CETN3: variants seen among roughly 807,000 people sequenced by gnomAD.
The protein encoded by CETN3 is centrin-3.
A neutral mutation model predicts 20.1 loss-of-function variants in CETN3; 17 were observed. The ratio of observed to expected loss-of-function variants is 0.85; its 90% CI spans 0.58 to 1.27. The LOEUF (loss-of-function observed/expected upper bound fraction) is 1.27. Among genes scored for constraint, CETN3 ranks in the 50% most tolerant of loss-of-function variants. CETN3 has a pLI of 0.00. For missense variants in CETN3, 169 were observed against 191.2 expected, an observed-to-expected ratio of 0.88 and a Z score of 0.69; for synonymous variants, 52 against 59.7, an observed-to-expected ratio of 0.87 and a Z score of 0.59.
chr5:90,395,503 G>A (rs757550379), intron 4 of CETN3, among the ~76,000 whole-genome samples: 7 of 151,668 alleles, frequency 4.6e-5, no homozygotes, highest in South Asian at 4.2e-4. Context: ...CTGGCTAATC[G>A]TTGTATTTTT....
chr5:90,395,361 T>C (rs1358497324), intron 4 of CETN3, among the ~76,000 whole-genome samples: 1 of 152,218 alleles, frequency 6.6e-6, no homozygotes, highest in Non-Finnish European at 1.5e-5. Context: ...GTAACATTGG[T>C]ATCATAGCTT....
Position 90,403,390 on chromosome 5 carries a change from T to G in CETN3, c.268+2295A>C, listed in dbSNP as rs75907917. On this transcript the variant is annotated intron_variant, in intron 3 of 4. Transcript: ENST00000283122. ...CACCTGGTACTCTCCATAGGTAGCC[T>G]TAAGATAGCTAAGATACATGTTGAC... is the stretch of plus-strand genomic sequence containing the variant. 3.1e-3 allele frequency among the ~76,000 whole-genome samples: 479 copies of G among 152,354 alleles called. 1 individual carries two copies. Among genetic ancestry groups the G allele is most frequent in the Non-Finnish European group, 4.8e-3 (327 of 68,026 alleles).
chr5:90,405,575 A>C, intron 3 of CETN3, 110 bp downstream of exon 3: 1 of 711,624 alleles, frequency 1.4e-6, no homozygotes, highest in Non-Finnish European at 2.4e-6. Flanking sequence ...ATTATACACC[A>C]GTGTTCTATA....
chr5:90,409,370 C>A (rs923276664), intron 1 of CETN3, among the ~76,000 whole-genome samples: 9 of 152,178 alleles, frequency 5.9e-5, no homozygotes, highest in African/African-American at 2.2e-4. Context: ...ATTTCATTCC[C>A]ACCTCGCTCG....
rs902871108 is a variant in CETN3, at chr5:90,393,732, ATATTT to A, written c.*327_*331del. The A allele has an allele frequency of 1.2e-5, 2 of 161,602 alleles. No individual in the cohort carries two copies. The highest frequency in any genetic ancestry group is 4.8e-5 in the African/African-American group (2 of 41,856). 10.0% of individuals were successfully genotyped at this position (161,602 alleles called of 1,614,324 possible). A position where few individuals can be genotyped will look rare whatever the true frequency, so the allele number is the denominator to read the frequency against. ...AAACTTTAAAATTCTAATAAAATAAATATTTTATTAACGAAAGTCTGGAAAATGTG... is the reference window on the plus strand; with the variant it reads ...AAACTTTAAAATTCTAATAAAATAAATATTAACGAAAGTCTGGAAAATGTG... On this transcript the variant is annotated 3_prime_UTR_variant, in exon 5 of 5. Coordinates refer to ENST00000283122, the MANE Select transcript of CETN3 (RefSeq NM_004365.4).
Position 90,399,562 on chromosome 5 carries a change from A to T in CETN3, c.269-13T>A. ...ATCCAGTCTGTCACTACAGTTTAAA[A>T]ACATATATATTTTAATAAACCTGCA... On this transcript the variant is annotated splice_polypyrimidine_tract_variant and intron_variant, in intron 3 of 4. Transcript: ENST00000283122. 12 of 1,592,532 alleles carry T rather than the reference A, an allele frequency of 7.5e-6. No homozygotes were observed. The highest frequency in any genetic ancestry group is 1.0e-5 in the Non-Finnish European group (12 of 1,162,844).
At chr5:90,406,853 A>C (rs1173566497) in intron 2 of CETN3, among the ~76,000 whole-genome samples, 7 of 137,668 alleles carry the variant, frequency 5.1e-5, no homozygotes, top group Non-Finnish European at 7.5e-5. Flanking sequence ...AAAAAAAAAA[A>C]AACAAAAAAA....
chr5:90,399,772 C>T (rs1237141072), intron 3 of CETN3, among the ~76,000 whole-genome samples: 1 of 151,996 alleles, frequency 6.6e-6, no homozygotes, highest in Non-Finnish European at 1.5e-5. Context: ...AGCAACTTGT[C>T]TTATTATAAA....
chr5:90,394,856 A>G (rs2151881444), intron 4 of CETN3, among the ~76,000 whole-genome samples: 1 of 148,502 alleles, frequency 6.7e-6, no homozygotes, highest in South Asian at 2.2e-4. Flanking sequence ...CCTAGAAATA[A>G]GAAATCAGAT....
In CETN3 at chr5:90,399,340, G is replaced by A. The variant is rs1227007796; in HGVS notation, c.460+18C>T. 3.7e-6 allele frequency: 6 copies of A among 1,611,870 alleles called. No homozygotes were observed. The highest frequency in any genetic ancestry group is 1.7e-5 in the Admixed American group (1 of 59,972). On this transcript the variant is annotated intron_variant, in intron 4 of 4. Transcript: ENST00000283122. Reference sequence around the variant, plus strand: ...AGCATCAGGAAAACCTGGAAAATACGTTTCACTTAAAACTTACTTTCTCCA... The same window carrying A: ...AGCATCAGGAAAACCTGGAAAATACATTTCACTTAAAACTTACTTTCTCCA...
chr5:90,404,547 C>T (rs1749383958), intron 3 of CETN3, among the ~76,000 whole-genome samples: 1 of 152,162 alleles, frequency 6.6e-6, no homozygotes, highest in South Asian at 2.1e-4. Flanking sequence ...CCCCAATGGA[C>T]AAGTTGCCTC....
chr5:90,402,453 G>C (rs1749317937), intron 3 of CETN3, among the ~76,000 whole-genome samples: 1 of 152,140 alleles, frequency 6.6e-6, no homozygotes, highest in Non-Finnish European at 1.5e-5. Flanking sequence ...TATCCGTCTA[G>C]TACCATTCTT....
At chr5:90,399,069 A>T (rs1749211143) in intron 4 of CETN3, 1 of 539,098 alleles carries the variant, frequency 1.9e-6, no homozygotes, top group African/African-American at 1.9e-5. Flanking sequence ...AGAACTTAGA[A>T]CTTAGCATGT....
In CETN3 at chr5:90,408,717, C is replaced by G. The variant is rs557828681; in HGVS notation, c.18-883G>C. Among the ~76,000 whole-genome samples, 456 of 148,346 alleles carry G rather than the reference C, an allele frequency of 3.1e-3. 1 individual carries two copies. The highest frequency in any genetic ancestry group is 5.0e-3 in the Non-Finnish European group (337 of 67,696). On this transcript the variant is annotated intron_variant, in intron 1 of 4. Transcript: ENST00000283122. ...CGAGTTTTGAAACACAATCCGGTAA[C>G]ACATTAACATGTCAAACCAGTTGAC...
chr5:90,409,712 C>G lies in CETN3; in HGVS notation c.-51G>C, dbSNP rs185550683. On this transcript the variant is annotated 5_prime_UTR_variant, in exon 1 of 5. Coordinates refer to ENST00000283122, the MANE Select transcript of CETN3 (RefSeq NM_004365.4). ...CTCAAGAACGATTTTAACCCCCTAC[C>G]CAAGGCAGCAAGACGCCCACAGCCG... 2.5e-6 allele frequency: 4 copies of G among 1,613,262 alleles called. No individual in the cohort carries two copies. The East Asian group carries it at 6.7e-5, about 27-fold the overall frequency.
chr5:90,399,620 T>C, intron 3 of CETN3, 71 bp from the exon 4 acceptor site: 1 of 1,192,330 alleles, frequency 8.4e-7, no homozygotes, highest in Non-Finnish European at 1.2e-6. Flanking sequence ...TGAAATCAAC[T>C]AAATATTAGA....
chr5:90,397,225 CTACTT>C (rs1044841832), intron 4 of CETN3, among the ~76,000 whole-genome samples: 10 of 152,008 alleles, frequency 6.6e-5, no homozygotes, highest in African/African-American at 2.4e-4. Flanking sequence ...ATTAAACTAG[CTACTT>C]TACTTTAATT....
chr5:90,395,904 A>G (rs1221238613), intron 4 of CETN3: 1 of 920,662 alleles, frequency 1.1e-6, no homozygotes, highest in East Asian at 1.2e-4. Flanking sequence ...TCTAGAAACC[A>G]CATAGAAAAC....
At chr5:90,405,537 C>A in intron 3 of CETN3, 148 bp downstream of exon 3, 36 of 543,416 alleles carry the variant, frequency 6.6e-5, no homozygotes, top group South Asian at 2.5e-4. Context: ...AAAAAAAAAC[C>A]AACAAAACAA....
Sources: allele counts gnomAD v4.1 joint callset (sites outside exome capture counted in the v4.1 genomes callset), GRCh38; gene constraint gnomAD v4.1.1; transcripts MANE v1.5; gene names NCBI Gene and HGNC (gene_info 2026-07-23, HGNC 2026-07-21).